Variants in CAMTA1 observed in about 807,000 individuals in gnomAD.
The protein encoded by CAMTA1 is calmodulin binding transcription activator 1.
In CAMTA1, 27 loss-of-function variants were observed where a neutral mutation model predicts 170.9. The ratio of observed to expected loss-of-function variants is 0.16; its 90% CI spans 0.12 to 0.22. The LOEUF (loss-of-function observed/expected upper bound fraction) is 0.22. Ranked by LOEUF, CAMTA1 falls within the 10% of genes least tolerant of loss-of-function variation. The probability of loss-of-function intolerance (pLI) is 1.00; values close to 1 mark genes in which losing one functional copy is unlikely to be tolerated. For missense variants in CAMTA1, 1,619 were observed against 2,217.2 expected (o/e 0.73, Z 5.42); for synonymous variants, 833 against 891.5 (o/e 0.93, Z 1.17).
chr1:7,183,566 C>T (rs1315477149), intron 4 of CAMTA1, among the ~76,000 whole-genome samples: 1 of 152,160 alleles, frequency 6.6e-6, no homozygotes, highest in African/African-American at 2.4e-5. Context: ...ACCTGAATGT[C>T]CAAACACAGT....
At chr1:7,212,364 C>A (rs960197843) in intron 4 of CAMTA1, among the ~76,000 whole-genome samples, 1 of 152,042 alleles carries the variant, frequency 6.6e-6, no homozygotes, top group African/African-American at 2.4e-5. Flanking sequence ...TGTCACTGCC[C>A]CCATCCCTCC....
intron 3 of CAMTA1, among the ~76,000 whole-genome samples, chr1:7,021,364 G>A (rs1024433525): frequency 6.6e-6 from 1 of 152,326 alleles, no homozygotes; most frequent in East Asian, 1.9e-4. Context: ...CAGCCCCGGG[G>A]GAATGCACAG....
chr1:7,059,813 T>C (rs1707933204), intron 3 of CAMTA1, among the ~76,000 whole-genome samples: 1 of 152,236 alleles, frequency 6.6e-6, no homozygotes, highest in East Asian at 1.9e-4. Context: ...AACTTTTTAT[T>C]GTGTTGGGCA....
intron 5 of CAMTA1, among the ~76,000 whole-genome samples, chr1:7,312,022 C>T (rs1301413749): frequency 1.3e-5 from 2 of 152,152 alleles, no homozygotes; most frequent in African/African-American, 4.8e-5. Context: ...TCCACCATCT[C>T]CTTGGGCCTC....
At chr1:7,319,637 C>T (rs1373498788) in intron 5 of CAMTA1, among the ~76,000 whole-genome samples, 1 of 152,136 alleles carries the variant, frequency 6.6e-6, no homozygotes, top group Non-Finnish European at 1.5e-5. Flanking sequence ...AAGGAGGAAA[C>T]ACATACTGGG....
At chr1:6,912,589 ACTGT>A (rs1350505322) in intron 3 of CAMTA1, among the ~76,000 whole-genome samples, 1 of 152,202 alleles carries the variant, frequency 6.6e-6, no homozygotes, top group Non-Finnish European at 1.5e-5. Context: ...CCGTTAGATA[ACTGT>A]CTGGCTTAGG....
In CAMTA1 at chr1:7,568,425, C is replaced by T. The variant is rs111161915; in HGVS notation, c.511-71975C>T. ...ATCATCAACATCACCATCATCATCACCACATCACCATCAACATCATCACCA... is the reference window on the plus strand; with the variant it reads ...ATCATCAACATCACCATCATCATCATCACATCACCATCAACATCATCACCA... On this transcript the variant is annotated intron_variant, in intron 6 of 22. Coordinates refer to ENST00000303635, the MANE Select transcript of CAMTA1 (RefSeq NM_015215.4). Among the ~76,000 whole-genome samples the T allele has an allele frequency of 2.7e-3, 406 of 150,946 alleles. 2 individuals carry two copies. The highest frequency in any genetic ancestry group is 9.5e-3 in the African/African-American group (388 of 41,016).
At chr1:7,761,410 A>G in intron 22 of CAMTA1, among the ~76,000 whole-genome samples, 1 of 151,206 alleles carries the variant, frequency 6.6e-6, no homozygotes, top group East Asian at 1.9e-4. Flanking sequence ...TGAATTTAGA[A>G]GTAAGTGCAG....
At chr1:7,322,906 T>C (rs1332425807) in intron 5 of CAMTA1, among the ~76,000 whole-genome samples, 1 of 151,534 alleles carries the variant, frequency 6.6e-6, no homozygotes, top group Non-Finnish European at 1.5e-5. Flanking sequence ...TTTCAGCTCC[T>C]CTCCTTTCCT....
chr1:7,338,946 A>G (rs1210602415), intron 5 of CAMTA1, among the ~76,000 whole-genome samples: 3 of 152,196 alleles, frequency 2.0e-5, no homozygotes, highest in Non-Finnish European at 4.4e-5. Context: ...TTATGGTGGA[A>G]GAGGAAGCAG....
chr1:7,214,266 A>T (rs1259413165), intron 4 of CAMTA1, among the ~76,000 whole-genome samples: 2 of 152,118 alleles, frequency 1.3e-5, no homozygotes, highest in Non-Finnish European at 2.9e-5. Flanking sequence ...CCTCTCCAGC[A>T]CCTGTTGTTT....
At chr1:7,254,225 G>T (rs1294689077) in intron 5 of CAMTA1, among the ~76,000 whole-genome samples, 1 of 152,150 alleles carries the variant, frequency 6.6e-6, no homozygotes, top group Non-Finnish European at 1.5e-5. Context: ...TTTCCCCCAG[G>T]CCTATCCAGA....
intron 6 of CAMTA1, among the ~76,000 whole-genome samples, chr1:7,491,484 C>A (rs1373283399): frequency 6.6e-6 from 1 of 152,186 alleles, no homozygotes. Flanking sequence ...GCGTGTACTG[C>A]CGATTGTCCA....
At chr1:7,765,727 A>G (rs757558619) in intron 22 of CAMTA1, among the ~76,000 whole-genome samples, 12 of 152,164 alleles carry the variant, frequency 7.9e-5, no homozygotes, top group Non-Finnish European at 1.3e-4. Flanking sequence ...TAATCCCTAG[A>G]TATATTAAAA....
intron 1 of CAMTA1, among the ~76,000 whole-genome samples, chr1:6,790,153 C>G (rs1640652746): frequency 6.6e-6 from 1 of 151,786 alleles, no homozygotes. Context: ...TGTCTTAATG[C>G]TTGTCTTTTA....
chr1:7,496,915 A>G (rs568097004), intron 6 of CAMTA1, among the ~76,000 whole-genome samples: 3 of 144,364 alleles, frequency 2.1e-5, no homozygotes, highest in African/African-American at 7.7e-5. Flanking sequence ...AAGAGCCTCC[A>G]TCCTGAGCAG....
chr1:6,926,460 C>CTTTCTT (rs1683203782), intron 3 of CAMTA1, among the ~76,000 whole-genome samples: 1 of 130,820 alleles, frequency 7.6e-6, no homozygotes, highest in East Asian at 2.1e-4. Context: ...TTCTTTCTTT[C>CTTTCTT]TTTCTTTCTT....
intron 3 of CAMTA1, among the ~76,000 whole-genome samples, chr1:6,924,907 C>G (rs1334364793): frequency 6.6e-6 from 1 of 152,178 alleles, no homozygotes; most frequent in African/African-American, 2.4e-5. Context: ...GGTCTGATTT[C>G]TCTGGGAGTT....
At chr1:7,098,501 T>C (rs4908440) in intron 4 of CAMTA1, among the ~76,000 whole-genome samples, 50,466 of 152,126 alleles carry the variant, frequency 0.33, 8,891 homozygotes, top group Middle Eastern at 0.46. Context: ...AGGGTACCTG[T>C]CACGTAGTTT....
Sources: gnomAD v4.1 joint callset for allele counts (sites outside exome capture counted in the v4.1 genomes callset) on GRCh38, gnomAD v4.1.1 for gene constraint, MANE v1.5 for transcripts, NCBI Gene and HGNC (gene_info 2026-07-23, HGNC 2026-07-21) for gene names.